The following EIF2B3 variants were observed in gnomAD, a reference collection of about 807,000 sequenced individuals.
The protein encoded by EIF2B3 is eukaryotic translation initiation factor 2B subunit gamma, also known as translation initiation factor eIF2B subunit gamma.
In EIF2B3, 20 loss-of-function variants were observed where a neutral mutation model predicts 54.1. That is an observed-to-expected ratio of 0.37 (90% confidence interval 0.26 to 0.54). The LOEUF is 0.54. EIF2B3 is among the 20% of genes least tolerant of loss of function. The pLI, the probability that EIF2B3 is intolerant of heterozygous loss-of-function variation, is 0.86. For synonymous variants in EIF2B3, 153 were observed against 188.1 expected, an observed-to-expected ratio of 0.81 and a Z score of 1.52; for missense variants, 448 against 547.8, an observed-to-expected ratio of 0.82 and a Z score of 1.82.
At chr1:44,862,507 T>C (rs1654639857) in intron 10 of EIF2B3, among the ~76,000 whole-genome samples, 1 of 152,206 alleles carries the variant, frequency 6.6e-6, no homozygotes, top group Non-Finnish European at 1.5e-5. Context: ...CTCCAAATTC[T>C]TGCTCCTCTT....
intron 8 of EIF2B3, among the ~76,000 whole-genome samples, chr1:44,877,369 C>T (rs1054677243): frequency 1.3e-5 from 2 of 152,110 alleles, no homozygotes; most frequent in East Asian, 3.9e-4. Context: ...GCCTTATTGT[C>T]AGTCTCTTAG....
At chr1:44,864,603 CTAAT>C (rs1654713071) in intron 10 of EIF2B3, among the ~76,000 whole-genome samples, 1 of 152,242 alleles carries the variant, frequency 6.6e-6, no homozygotes, top group African/African-American at 2.4e-5. Flanking sequence ...TTCTGCAACT[CTAAT>C]TACCTCTAAT....
intron 3 of EIF2B3, among the ~76,000 whole-genome samples, chr1:44,965,851 G>A (rs1017716953): frequency 6.6e-6 from 1 of 151,868 alleles, no homozygotes; most frequent in East Asian, 1.9e-4. Flanking sequence ...TGTTGGCCAG[G>A]CTGGTCTGGA....
chr1:44,865,642 C>T (rs1202070490), intron 10 of EIF2B3, among the ~76,000 whole-genome samples: 4 of 151,496 alleles, frequency 2.6e-5, no homozygotes, highest in Middle Eastern at 3.4e-3. Context: ...AGTGCAATGG[C>T]GCGAACTGGG....
intron 3 of EIF2B3, among the ~76,000 whole-genome samples, chr1:44,969,749 CAT>C (rs1238185697): frequency 6.6e-6 from 1 of 152,046 alleles, no homozygotes; most frequent in Admixed American, 6.6e-5. Context: ...TTAAAATTTC[CAT>C]ATAAGAAGTT....
intron 1 of EIF2B3, among the ~76,000 whole-genome samples, chr1:44,984,795 A>ATTTTTTTTTT (rs1557718636): frequency 3.5e-4 from 28 of 80,426 alleles, no homozygotes; most frequent in East Asian, 9.4e-4. Context: ...AATAATGTCC[A>ATTTTTTTTTT]TCTTTTTTTT....
At chr1:44,896,903 T>C (rs193118479) in intron 6 of EIF2B3, among the ~76,000 whole-genome samples, 34 of 152,312 alleles carry the variant, frequency 2.2e-4, no homozygotes, top group Admixed American at 2.6e-4. Context: ...TTTTCTAAAA[T>C]TGGGGGGAAA....
At position 44,952,040 on chromosome 1, in the gene EIF2B3, G is replaced by A. The variant is rs1402903369; in HGVS notation, c.295-10375C>T. ...TGCAGTGGCGGGAACTCGGCTCACT[G>A]CAAGCTCCGCCTCCTGGGTTCACGC... is the stretch of plus-strand genomic sequence containing the variant. On this transcript the variant is annotated intron_variant, in intron 3 of 11. Coordinates refer to ENST00000360403, the MANE Select transcript of EIF2B3 (RefSeq NM_020365.5). Among the ~76,000 whole-genome samples, 9 of 122,452 alleles carry A rather than the reference G, an allele frequency of 7.3e-5. 2 individuals carry two copies. The highest frequency in any genetic ancestry group is 1.4e-4 in the Non-Finnish European group (8 of 58,710). The allele number at this position is 122,452 out of a possible 152,430, so 80.3% of individuals were successfully genotyped here. A position where few individuals can be genotyped will look rare whatever the true frequency, so the allele number is the denominator to read the frequency against.
intron 6 of EIF2B3, among the ~76,000 whole-genome samples, chr1:44,884,547 CTTGTA>C (rs1454380948): frequency 1.3e-5 from 2 of 152,150 alleles, no homozygotes; most frequent in Non-Finnish European, 2.9e-5. Context: ...GCTGTGAGCT[CTTGTA>C]TTGAATTTCA....
chr1:44,923,890 A>G (rs980599511), intron 5 of EIF2B3, among the ~76,000 whole-genome samples: 3 of 148,956 alleles, frequency 2.0e-5, no homozygotes, highest in African/African-American at 7.5e-5. Context: ...TGCAGCCTCA[A>G]CCTCCTAGGC....
At chr1:44,861,861 T>C (rs955234110) in intron 10 of EIF2B3, among the ~76,000 whole-genome samples, 3 of 152,144 alleles carry the variant, frequency 2.0e-5, no homozygotes, top group African/African-American at 7.2e-5. Context: ...TTTCTGACCA[T>C]TTGTATCCTC....
intron 11 of EIF2B3, among the ~76,000 whole-genome samples, chr1:44,851,966 T>C (rs1007989490): frequency 9.4e-5 from 14 of 148,454 alleles, no homozygotes; most frequent in African/African-American, 3.5e-4. Flanking sequence ...TTTTTTTTTT[T>C]GAGATGGAGT....
rs551625310 is a variant in EIF2B3 at position 44,953,151 on chromosome 1, T to TAAA, written c.295-11489_295-11487dup. Among the ~76,000 whole-genome samples, 339 of 131,778 alleles carry TAAA rather than the reference T, an allele frequency of 2.6e-3. 2 individuals carry two copies. Among genetic ancestry groups the TAAA allele is most frequent in the African/African-American group, 8.7e-3 (313 of 35,900 alleles). 86.5% of individuals were successfully genotyped at this position (131,778 alleles called of 152,430 possible). A position where few individuals can be genotyped will look rare whatever the true frequency, so the allele number is the denominator to read the frequency against. ...AAAACCCAACTTGCCTCCATAAGTG[T>TAAA]AAAAAAAAAAAAAAAACCAGAAAAC... On this transcript the variant is annotated intron_variant, in intron 3 of 11. Coordinates refer to ENST00000360403, the MANE Select transcript of EIF2B3 (RefSeq NM_020365.5).
At chr1:44,889,034 G>A (rs959925443) in intron 6 of EIF2B3, among the ~76,000 whole-genome samples, 1 of 152,176 alleles carries the variant, frequency 6.6e-6, no homozygotes, top group African/African-American at 2.4e-5. Context: ...TGATGCCCTG[G>A]GTTCAATTCC....
intron 3 of EIF2B3, among the ~76,000 whole-genome samples, chr1:44,958,041 C>T (rs879383469): frequency 9.2e-5 from 14 of 152,278 alleles, no homozygotes; most frequent in African/African-American, 2.9e-4. Context: ...TTGGAAGCTA[C>T]CTAAAAACCC....
chr1:44,921,182 T>C (rs1022639593), intron 5 of EIF2B3, among the ~76,000 whole-genome samples: 6 of 152,240 alleles, frequency 3.9e-5, no homozygotes, highest in Non-Finnish European at 7.3e-5. Context: ...CATTTATTTG[T>C]ATGACTTCTT....
chr1:44,889,590 C>T (rs901729787), intron 6 of EIF2B3, among the ~76,000 whole-genome samples: 3 of 151,304 alleles, frequency 2.0e-5, no homozygotes, highest in African/African-American at 7.3e-5. Context: ...TTTTTATTTA[C>T]TTTGTTTTTT....
chr1:44,985,870 T>C (rs1352277193), intron 1 of EIF2B3, among the ~76,000 whole-genome samples: 1 of 152,228 alleles, frequency 6.6e-6, no homozygotes, highest in Non-Finnish European at 1.5e-5. Flanking sequence ...TCATGCCTTT[T>C]CCAGTTGTAA....
chr1:44,980,316 T>A (rs1644499323), intron 2 of EIF2B3, among the ~76,000 whole-genome samples: 1 of 151,902 alleles, frequency 6.6e-6, no homozygotes, highest in African/African-American at 2.4e-5. Context: ...TACAAAAACT[T>A]AGCCGGGCAT....
Sources: allele counts gnomAD v4.1 joint callset (sites outside exome capture counted in the v4.1 genomes callset), GRCh38; gene constraint gnomAD v4.1.1; transcripts MANE v1.5; gene names NCBI Gene and HGNC (gene_info 2026-07-23, HGNC 2026-07-21).